The following RUNDC3B variants were observed in gnomAD, a reference collection of about 807,000 sequenced individuals.
RUNDC3B encodes the protein RUN domain containing 3B.
Under a neutral mutation model 58.4 loss-of-function variants are expected in RUNDC3B, and 33 were observed. The observed-to-expected ratio is 0.56, with a 90% CI of 0.43 to 0.75. The LOEUF is 0.75. Among genes scored for constraint, RUNDC3B ranks in the 30% least tolerant of loss-of-function variants. The probability of loss-of-function intolerance (pLI) is 0.00; values close to 1 mark genes in which losing one functional copy is unlikely to be tolerated. For synonymous variants in RUNDC3B, 193 were observed against 195.2 expected, an observed-to-expected ratio of 0.99 and a Z score of 0.10; for missense variants, 501 against 535.7, an observed-to-expected ratio of 0.94 and a Z score of 0.64.
intron 1 of RUNDC3B, among the ~76,000 whole-genome samples, chr7:87,643,012 C>T (rs944865751): frequency 2.6e-5 from 4 of 152,068 alleles, no homozygotes; most frequent in Non-Finnish European, 5.9e-5. Flanking sequence ...AATTCCTGGG[C>T]TCAAGTTGTC....
intron 6 of RUNDC3B, among the ~76,000 whole-genome samples, chr7:87,766,691 A>G (rs926162038): frequency 6.6e-6 from 1 of 151,660 alleles, no homozygotes; most frequent in East Asian, 1.9e-4. Flanking sequence ...TTTCACGTTG[A>G]CCTTGGATAG....
intron 7 of RUNDC3B, among the ~76,000 whole-genome samples, chr7:87,771,747 A>G (rs755912733): frequency 6.6e-6 from 1 of 152,218 alleles, no homozygotes; most frequent in Non-Finnish European, 1.5e-5. Flanking sequence ...AACAGCAGGT[A>G]TAGGTCCCTG....
intron 2 of RUNDC3B, among the ~76,000 whole-genome samples, chr7:87,687,769 T>C (rs1425740681): frequency 6.6e-6 from 1 of 152,178 alleles, no homozygotes; most frequent in East Asian, 1.9e-4. Context: ...TTATGATACC[T>C]AAGCATTGCT....
intron 3 of RUNDC3B, among the ~76,000 whole-genome samples, chr7:87,709,950 T>A (rs1262961864): frequency 6.6e-6 from 1 of 152,218 alleles, no homozygotes; most frequent in Non-Finnish European, 1.5e-5. Flanking sequence ...TGTGCTAGAA[T>A]ATGCTGGCTT....
At position 87,746,923 on chromosome 7, in the gene RUNDC3B, G is replaced by C. The variant is rs180770155; in HGVS notation, c.629+5344G>C. Among the ~76,000 whole-genome samples, 350 of 152,206 alleles carry C rather than the reference G, an allele frequency of 2.3e-3. 1 individual carries two copies. Among genetic ancestry groups the C allele is most frequent in the Non-Finnish European group, 3.9e-3 (267 of 67,992 alleles). On this transcript the variant is annotated intron_variant, in intron 6 of 10. Coordinates refer to ENST00000394654, the MANE Select transcript of RUNDC3B (RefSeq NM_001134405.2). ...TGCTTTTTAACTTGTAATTTTCTCT[G>C]GTCCCTCCATGATTAGCGTAATGAC...
intron 8 of RUNDC3B, among the ~76,000 whole-genome samples, chr7:87,796,061 C>T (rs190941670): frequency 6.6e-6 from 1 of 152,186 alleles, no homozygotes; most frequent in East Asian, 1.9e-4. Flanking sequence ...ACCTAAGTGC[C>T]CATACACAGA....
At chr7:87,708,392 T>C (rs1400904163) in intron 3 of RUNDC3B, among the ~76,000 whole-genome samples, 1 of 152,072 alleles carries the variant, frequency 6.6e-6, no homozygotes, top group African/African-American at 2.4e-5. Context: ...ATTTGAAAAT[T>C]TAGAAGAAAT....
chr7:87,829,882 C>A lies in RUNDC3B; in HGVS notation c.1226-3C>A. 1 of 1,582,616 alleles carries A rather than the reference C, an allele frequency of 6.3e-7. No homozygotes were observed. Among genetic ancestry groups the A allele is most frequent in the Non-Finnish European group, 8.6e-7 (1 of 1,164,360 alleles). On this transcript the variant is annotated splice_region_variant and splice_polypyrimidine_tract_variant and intron_variant, in intron 10 of 10. Transcript: ENST00000394654. ...TTATTTGCTATTTAATTCTAATTTT[C>A]AGGTAAGGAAGATACTCCCTCATTA...
chr7:87,701,473 A>G (rs1180443285), intron 3 of RUNDC3B, among the ~76,000 whole-genome samples: 1 of 152,212 alleles, frequency 6.6e-6, no homozygotes, highest in East Asian at 1.9e-4. Flanking sequence ...ATTTAATGAA[A>G]TGTGTCAACA....
intron 1 of RUNDC3B, among the ~76,000 whole-genome samples, chr7:87,639,261 C>T (rs1459595426): frequency 6.6e-6 from 1 of 151,018 alleles, no homozygotes; most frequent in African/African-American, 2.4e-5. Context: ...GTGCAGAGAA[C>T]ATATTCTGAA....
chr7:87,750,672 GTCT>G (rs1832922139), intron 6 of RUNDC3B, among the ~76,000 whole-genome samples: 1 of 150,668 alleles, frequency 6.6e-6, no homozygotes, highest in South Asian at 2.1e-4. Context: ...CTGCATAAAT[GTCT>G]TCTTTTGAGA....
chr7:87,701,073 AT>A (rs1452375909), intron 3 of RUNDC3B, among the ~76,000 whole-genome samples: 1 of 152,250 alleles, frequency 6.6e-6, no homozygotes, highest in Non-Finnish European at 1.5e-5. Flanking sequence ...ATCCTGAGTA[AT>A]AAAATGGGAA....
At chr7:87,812,903 C>T (rs576449093) in intron 9 of RUNDC3B, among the ~76,000 whole-genome samples, 20 of 152,078 alleles carry the variant, frequency 1.3e-4, no homozygotes, top group Non-Finnish European at 2.5e-4. Context: ...TTACCGTTAC[C>T]GCATGACTAC....
chr7:87,731,751 G>A (rs1314791142), intron 4 of RUNDC3B, among the ~76,000 whole-genome samples: 1 of 152,148 alleles, frequency 6.6e-6, no homozygotes, highest in Non-Finnish European at 1.5e-5. Flanking sequence ...CAACAATGGA[G>A]CACACAGATT....
In RUNDC3B at chr7:87,739,823, G is replaced by C. The variant is rs1832208692; in HGVS notation, c.491G>C (p.Gly164Ala). 6 of 1,595,870 alleles carry C rather than the reference G, an allele frequency of 3.8e-6. No homozygotes were observed. The highest frequency in any genetic ancestry group is 5.1e-6 in the Non-Finnish European group (6 of 1,166,714). The change falls in exon 5 of 11, where the codon GGT becomes GCT. Residue 164 changes from glycine (G) to alanine (A), a missense_variant. Gly to Ala is a moderately conservative substitution (Grantham distance 60). Transcript: ENST00000394654. ...RFYEDGAIVL[G>A]EEANMLAGML... ...TATGAAGATGGAGCAATTGTCTTGG[G>C]TGAAGAAGCAAATATGCTTGCTGGC...
intron 6 of RUNDC3B, among the ~76,000 whole-genome samples, chr7:87,767,225 T>A (rs898318489): frequency 6.6e-6 from 1 of 152,238 alleles, no homozygotes; most frequent in Admixed American, 6.5e-5. Flanking sequence ...AATTCTTTAT[T>A]TGTCATAACA....
At chr7:87,672,402 C>T in intron 2 of RUNDC3B, among the ~76,000 whole-genome samples, 1 of 152,180 alleles carries the variant, frequency 6.6e-6, no homozygotes, top group Admixed American at 6.5e-5. Flanking sequence ...CCTGGACGCT[C>T]CTCCCTAGGG....
intron 2 of RUNDC3B, among the ~76,000 whole-genome samples, chr7:87,695,059 T>C (rs974654176): frequency 2.6e-5 from 4 of 152,128 alleles, no homozygotes; most frequent in African/African-American, 9.6e-5. Context: ...ACTTGAAGTG[T>C]CCTGTAAGTA....
chr7:87,800,934 C>G (rs973071807), intron 8 of RUNDC3B, among the ~76,000 whole-genome samples: 1 of 152,078 alleles, frequency 6.6e-6, no homozygotes, highest in African/African-American at 2.4e-5. Context: ...CTGTACCCAG[C>G]CAAAATTCAT....
Sources: allele counts gnomAD v4.1 joint callset (sites outside exome capture counted in the v4.1 genomes callset), GRCh38; gene constraint gnomAD v4.1.1; transcripts MANE v1.5; gene names NCBI Gene and HGNC (gene_info 2026-07-23, HGNC 2026-07-21).